USP32: variants seen among roughly 807,000 people sequenced by gnomAD.
USP32 encodes the protein ubiquitin specific peptidase 32.
In USP32, 59 loss-of-function variants were observed where a neutral mutation model predicts 204.8. That is an observed-to-expected ratio of 0.29 (90% CI 0.23 to 0.36). The LOEUF (loss-of-function observed/expected upper bound fraction) is 0.36, where lower values mean the gene tolerates loss of function less well. Ranked by LOEUF, USP32 falls within the 10% of genes least tolerant of loss-of-function variation. The pLI is 1.00. For missense variants in USP32, 1,160 were observed against 1,946.4 expected, an observed-to-expected ratio of 0.60 and a Z score of 7.60; for synonymous variants, 517 against 678.4, an observed-to-expected ratio of 0.76 and a Z score of 3.70.
intron 1 of USP32, among the ~76,000 whole-genome samples, chr17:60,415,753 T>C (rs1222649103): frequency 6.6e-6 from 1 of 152,198 alleles, no homozygotes; most frequent in Non-Finnish European, 1.5e-5. Flanking sequence ...CTTGGAGTCT[T>C]TATACAATTC....
At chr17:60,344,104 T>C (rs2088724474) in intron 2 of USP32, among the ~76,000 whole-genome samples, 1 of 150,448 alleles carries the variant, frequency 6.6e-6, no homozygotes, top group South Asian at 2.1e-4. Context: ...TGGTTCTATA[T>C]AATATACCAA....
chr17:60,190,512 G>T, intron 29 of USP32, 51 bp downstream of exon 29: 1 of 1,504,126 alleles, frequency 6.6e-7, no homozygotes, highest in African/African-American at 1.4e-5. Context: ...TTACACTGGT[G>T]GAAATTTCTC....
intron 1 of USP32, chr17:60,421,244 T>A: frequency 1.7e-6 from 1 of 582,498 alleles, no homozygotes; most frequent in East Asian, 1.4e-4. Context: ...TTCCTCCCCT[T>A]ACAACAACAA....
At chr17:60,408,162 T>G (rs1037592479) in intron 1 of USP32, among the ~76,000 whole-genome samples, 4 of 151,778 alleles carry the variant, frequency 2.6e-5, no homozygotes, top group Admixed American at 1.3e-4. Flanking sequence ...AAATTACTAT[T>G]TATACCAAGA....
At chr17:60,185,729 T>C (rs1598030075) in intron 29 of USP32, 78 bp from the exon 30 acceptor site, 1 of 1,495,828 alleles carries the variant, frequency 6.7e-7, no homozygotes, top group Non-Finnish European at 9.0e-7. Flanking sequence ...CATCAACCTC[T>C]TGGTCACTCA....
intron 1 of USP32, among the ~76,000 whole-genome samples, chr17:60,410,050 A>C (rs908256090): frequency 6.6e-6 from 1 of 152,192 alleles, no homozygotes; most frequent in Non-Finnish European, 1.5e-5. Flanking sequence ...AACTAGCTAC[A>C]AAGTTAAAAT....
At chr17:60,264,353 CAA>C (rs1180644086) in intron 9 of USP32, among the ~76,000 whole-genome samples, 6 of 73,208 alleles carry the variant, frequency 8.2e-5, no homozygotes, top group Admixed American at 1.5e-4. Flanking sequence ...CTGGTCTCTA[CAA>C]AAAAAAAAAA....
rs1463573884 is a variant in USP32, at chr17:60,207,018, T to C, written c.3037+3A>G. The C allele has an allele frequency of 1.2e-6, 2 of 1,611,812 alleles. No homozygotes were observed. The highest frequency in any genetic ancestry group is 1.3e-5 in the African/African-American group (1 of 74,946). The stretch of plus-strand genomic sequence containing the variant: ...ATGAGAAGGAGTTCTAGTTCTATCT[T>C]ACCTGTCTGTGTTGGACTAGAAGCT... On this transcript the variant is annotated splice_donor_region_variant and intron_variant, in intron 25 of 33. Coordinates refer to ENST00000300896, the MANE Select transcript of USP32 (RefSeq NM_032582.4).
chr17:60,400,137 G>A (rs2089925195), intron 1 of USP32, among the ~76,000 whole-genome samples: 1 of 152,032 alleles, frequency 6.6e-6, no homozygotes, highest in Admixed American at 6.6e-5. Flanking sequence ...GCTAATTTTT[G>A]TATTTTTAGT....
chr17:60,359,085 C>A (rs931829964), intron 1 of USP32, among the ~76,000 whole-genome samples: 1 of 152,172 alleles, frequency 6.6e-6, no homozygotes, highest in African/African-American at 2.4e-5. Context: ...TCCAATCATA[C>A]TCTGAACAAT....
rs188762586 is a variant in USP32, at chr17:60,237,814, C to T, written c.1137-1574G>A. ...TCCATGGTGTGTATATACTACATCT[C>T]GTTTAACCATTCATCCACTGATGGA... is the stretch of plus-strand genomic sequence containing the variant. On this transcript the variant is annotated intron_variant, in intron 11 of 33. Transcript: ENST00000300896. 1.5e-3 allele frequency among the ~76,000 whole-genome samples: 231 copies of T among 152,240 alleles called. 2 individuals are homozygous for T. The highest frequency in any genetic ancestry group is 0.015 in the South Asian group (72 of 4,824).
chr17:60,397,348 A>G (rs971589532), intron 1 of USP32, among the ~76,000 whole-genome samples: 13 of 152,128 alleles, frequency 8.5e-5, no homozygotes, highest in African/African-American at 1.4e-4. Flanking sequence ...TTTAAACTCA[A>G]TCAGGCTTTT....
At chr17:60,367,598 G>A (rs984609518) in intron 1 of USP32, among the ~76,000 whole-genome samples, 26 of 152,146 alleles carry the variant, frequency 1.7e-4, no homozygotes, top group Admixed American at 7.9e-4. Flanking sequence ...ATCACTTGAC[G>A]TCAGTTCAAG....
chr17:60,343,132 G>A (rs1308809989), intron 2 of USP32, among the ~76,000 whole-genome samples: 1 of 152,088 alleles, frequency 6.6e-6, no homozygotes, highest in African/African-American at 2.4e-5. Flanking sequence ...CCCAATACAG[G>A]AGCACCCAGA....
intron 1 of USP32, among the ~76,000 whole-genome samples, chr17:60,363,292 T>G (rs917183754): frequency 7.9e-5 from 12 of 151,458 alleles, no homozygotes; most frequent in African/African-American, 2.9e-4. Context: ...CCGTCTCTAC[T>G]AAAATACAAA....
chr17:60,334,127 T>C (rs2088455955), intron 2 of USP32, among the ~76,000 whole-genome samples: 1 of 152,168 alleles, frequency 6.6e-6, no homozygotes, highest in African/African-American at 2.4e-5. Context: ...CTTACAGTAC[T>C]TGAGTTTACT....
At chr17:60,287,382 T>C (rs76566023) in intron 5 of USP32, among the ~76,000 whole-genome samples, 3,277 of 152,272 alleles carry the variant, frequency 0.022, 139 homozygotes, top group African/African-American at 0.075. Flanking sequence ...CCTCCATGTA[T>C]TGATTTACGA....
At chr17:60,297,823 T>A (rs968670604) in intron 3 of USP32, among the ~76,000 whole-genome samples, 3 of 152,202 alleles carry the variant, frequency 2.0e-5, no homozygotes, top group African/African-American at 7.2e-5. Flanking sequence ...GGCCTTGAGA[T>A]AAGCAATATT....
intron 11 of USP32, among the ~76,000 whole-genome samples, chr17:60,241,930 T>C (rs1468322986): frequency 6.6e-6 from 1 of 152,244 alleles, no homozygotes; most frequent in African/African-American, 2.4e-5. Context: ...GTTATATCTA[T>C]GAAATCTTCT....
Sources: allele counts gnomAD v4.1 joint callset (sites outside exome capture counted in the v4.1 genomes callset), GRCh38; gene constraint gnomAD v4.1.1; transcripts MANE v1.5; gene names NCBI Gene and HGNC (gene_info 2026-07-23, HGNC 2026-07-21).